The following IFT56 variants were observed in gnomAD, a reference collection of about 807,000 sequenced individuals.
IFT56 encodes intraflagellar transport 56.
At chr7:139,146,624 G>A in the IFT56 span, among the ~76,000 whole-genome samples, 7 of 151,996 alleles carry the variant, frequency 4.6e-5, no homozygotes, top group Non-Finnish European at 2.9e-5. Flanking sequence ...AAAATTAGCC[G>A]GGCGTGGTGG....
the IFT56 span, chr7:139,168,355 C>G: frequency 6.2e-7 from 1 of 1,606,304 alleles, no homozygotes; most frequent in Non-Finnish European, 8.5e-7. Context: ...AGTATATTCT[C>G]AAAGGAGTGG....
At chr7:139,187,406 A>G in the IFT56 span, 1 of 1,614,002 alleles carries the variant, frequency 6.2e-7, no homozygotes, top group Admixed American at 1.7e-5. Context: ...TCTTATTCAG[A>G]TGGGCCAGTT....
At chr7:139,170,638 A>T in the IFT56 span, among the ~76,000 whole-genome samples, 2 of 152,230 alleles carry the variant, frequency 1.3e-5, no homozygotes, top group Non-Finnish European at 2.9e-5. Context: ...AAAGCATTTG[A>T]TTAAATTCAA....
chr7:139,187,391 C>T, the IFT56 span: 21 of 1,613,210 alleles, frequency 1.3e-5, no homozygotes, highest in East Asian at 2.2e-5. Context: ...TTACCACATA[C>T]GTTCTCTTAT....
At chr7:139,189,463 T>C in the IFT56 span, 4 of 1,421,310 alleles carry the variant, frequency 2.8e-6, no homozygotes, top group Non-Finnish European at 3.9e-6. Context: ...AACCAGCTTC[T>C]ACTTTGACAT....
chr7:139,138,458 A>G, the IFT56 span, among the ~76,000 whole-genome samples: 1 of 152,234 alleles, frequency 6.6e-6, no homozygotes, highest in East Asian at 1.9e-4. Context: ...GATTTCAGGC[A>G]TCTACTAGGG....
the IFT56 span, among the ~76,000 whole-genome samples, chr7:139,151,697 G>A: frequency 6.6e-6 from 1 of 152,226 alleles, no homozygotes; most frequent in African/African-American, 2.4e-5. Context: ...AATTATTAAA[G>A]ATTTTGTAGG....
chr7:139,185,076 G>A, the IFT56 span, among the ~76,000 whole-genome samples: 3 of 150,276 alleles, frequency 2.0e-5, no homozygotes, highest in African/African-American at 5.0e-5. Flanking sequence ...AAAAGTAGCT[G>A]GGCATGGTGG....
At chr7:139,166,553 C>T in the IFT56 span, among the ~76,000 whole-genome samples, 1 of 145,470 alleles carries the variant, frequency 6.9e-6, no homozygotes, top group African/African-American at 2.7e-5. Context: ...TTAAAGAAAT[C>T]ATTGCTTTTC....
At chr7:139,145,753 T>A in the IFT56 span, among the ~76,000 whole-genome samples, 1 of 152,166 alleles carries the variant, frequency 6.6e-6, no homozygotes, top group Non-Finnish European at 1.5e-5. Flanking sequence ...TAAGATTTTC[T>A]AGATGTTCTT....
chr7:139,140,775 C>CAG, the IFT56 span, among the ~76,000 whole-genome samples: 1 of 74,892 alleles, frequency 1.3e-5, no homozygotes, highest in African/African-American at 4.5e-5. Flanking sequence ...AACTCCACCT[C>CAG]AAAAAAAAAA....
the IFT56 span, among the ~76,000 whole-genome samples, chr7:139,167,131 G>C: frequency 6.6e-6 from 1 of 152,040 alleles, no homozygotes; most frequent in Admixed American, 6.5e-5. Context: ...TGTCAAAAAG[G>C]GTAAGGAAAT....
chr7:139,173,814 C>T, the IFT56 span: 2 of 732,782 alleles, frequency 2.7e-6, no homozygotes, highest in Admixed American at 3.8e-5. Flanking sequence ...AATGTAATAA[C>T]AATCATCCTT....
At chr7:139,140,832 G>A in the IFT56 span, among the ~76,000 whole-genome samples, 2,406 of 150,256 alleles carry the variant, frequency 0.016, 66 homozygotes, top group African/African-American at 0.055. Context: ...TAAGTTCAAG[G>A]AAATGCAGAG....
chr7:139,154,811 T>G, the IFT56 span, among the ~76,000 whole-genome samples: 1 of 152,178 alleles, frequency 6.6e-6, no homozygotes, highest in South Asian at 2.1e-4. Context: ...TTTTGGTTAC[T>G]CTGATCTGTT....
chr7:139,178,697 A>C, the IFT56 span: 2 of 1,094,750 alleles, frequency 1.8e-6, no homozygotes, highest in Non-Finnish European at 2.7e-6. Context: ...AGGATTATTA[A>C]AGATTCCTCT....
the IFT56 span, among the ~76,000 whole-genome samples, chr7:139,186,205 A>G: frequency 1.3e-5 from 2 of 152,270 alleles, no homozygotes; most frequent in East Asian, 3.9e-4. Flanking sequence ...AAGTGGGAGG[A>G]TCACTTGAGG....
chr7:139,160,883 G>A, the IFT56 span: 1 of 1,183,244 alleles, frequency 8.5e-7, no homozygotes, highest in Non-Finnish European at 1.2e-6. Flanking sequence ...AAACCATTGT[G>A]TCAATATGTG....
chr7:139,151,453 C>T, the IFT56 span, among the ~76,000 whole-genome samples: 8 of 152,156 alleles, frequency 5.3e-5, no homozygotes, highest in African/African-American at 1.9e-4. Flanking sequence ...AAAACTGGCA[C>T]GGCCTCTAGG....
Sources: allele counts gnomAD v4.1 joint callset (sites outside exome capture counted in the v4.1 genomes callset), GRCh38; gene constraint gnomAD v4.1.1; transcripts MANE v1.5; gene names NCBI Gene and HGNC (gene_info 2026-07-23, HGNC 2026-07-21).